MGAM2: variants seen among roughly 807,000 people sequenced by gnomAD.
The protein encoded by MGAM2 is probable maltase-glucoamylase 2.
In MGAM2, 98 loss-of-function variants were observed where a neutral mutation model predicts 96.1. That is an observed-to-expected ratio of 1.02 (90% confidence interval 0.87 to 1.21). The LOEUF is 1.21. Among genes scored for constraint, MGAM2 ranks in the 50% most tolerant of loss-of-function variants. The pLI is 0.00. For missense variants in MGAM2, 2,055 were observed against 1,182.4 expected, an observed-to-expected ratio of 1.74 and a Z score of -10.82; for synonymous variants, 749 against 414.8, an observed-to-expected ratio of 1.81 and a Z score of -9.79.
In MGAM2 at chr7:142,221,456, G is replaced by A. The variant is rs896866495; in HGVS notation, c.6945G>A (p.Leu2315=). Residue 2315 remains leucine, a synonymous_variant, in exon 48 of 48, where the codon TTG becomes TTA. Coordinates refer to ENST00000477922, the MANE Select transcript of MGAM2 (RefSeq NM_001293626.2). Reference sequence around the variant, plus strand: ...TTCCTAGCTCTATTACTTCTATTTTGAGCATGTTTCCAACAAGTAATACAT... The same window carrying A: ...TTCCTAGCTCTATTACTTCTATTTTAAGCATGTTTCCAACAAGTAATACAT... ...TSIPSSITSI[L]SMFPTSNTFT... is the part of the protein sequence containing the mutation. 19 of 573,666 alleles carry A rather than the reference G, an allele frequency of 3.3e-5. No homozygotes were observed. Among genetic ancestry groups the A allele is most frequent in the African/African-American group, 2.6e-4 (14 of 53,388 alleles). 35.5% of individuals were successfully genotyped at this position (573,666 alleles called of 1,614,324 possible). A position where few individuals can be genotyped will look rare whatever the true frequency, so the allele number is the denominator to read the frequency against.
At position 142,137,477 on chromosome 7, in the gene MGAM2, G is replaced by A. The variant is rs922072595; in HGVS notation, c.892G>A (p.Gly298Arg). 1 of 701,956 alleles carries A rather than the reference G, an allele frequency of 1.4e-6. No individual in the cohort carries two copies. Among genetic ancestry groups the A allele is most frequent in the African/African-American group, 1.7e-5 (1 of 57,154 alleles). The allele number at this position is 701,956 out of a possible 1,614,324, so 43.5% of individuals were successfully genotyped here. Residue 298 changes from glycine to arginine, a missense_variant, in exon 9 of 48, where the codon GGA (glycine) becomes AGA (arginine). By Grantham distance (125) the Gly-to-Arg change is moderately radical. Transcript: ENST00000477922. Reference sequence around the variant, plus strand: ...TCCTGCGATCACTTATCGCACGATTGGAGGCATTCTTGACTTTTACGTATT... The same window carrying A: ...TCCTGCGATCACTTATCGCACGATTAGAGGCATTCTTGACTTTTACGTATT... ...PAPAITYRTI[G>R]GILDFYVFLG... is the part of the protein sequence containing the mutation.
intron 17 of MGAM2, among the ~76,000 whole-genome samples, chr7:142,156,166 A>AG (rs35996847): frequency 6.6e-6 from 1 of 151,944 alleles, no homozygotes; most frequent in African/African-American, 2.4e-5. Context: ...AAAAAAAAAA[A>AG]CAAAGTACAA....
Position 142,161,050 on chromosome 7 carries a change from G to T in MGAM2, c.2346-75G>T. The T allele has an allele frequency of 4.4e-6, 3 of 682,680 alleles. No individual in the cohort carries two copies. The South Asian group carries it at 4.6e-5, about 10-fold the overall frequency. The allele number at this position is 682,680 out of a possible 1,614,324, so 42.3% of individuals were successfully genotyped here. A position where few individuals can be genotyped will look rare whatever the true frequency, so the allele number is the denominator to read the frequency against. On this transcript the variant is annotated intron_variant, in intron 21 of 47. Coordinates refer to ENST00000477922, the MANE Select transcript of MGAM2 (RefSeq NM_001293626.2). ...TAGACTCTTGGATTATCTGTCCCTGGGGGATGAAGGTGGCTGGTTTCACAT... is the reference window on the plus strand; with the variant it reads ...TAGACTCTTGGATTATCTGTCCCTGTGGGATGAAGGTGGCTGGTTTCACAT...
In MGAM2 at chr7:142,135,482, T is replaced by C. The variant is rs182657614; in HGVS notation, c.748-1059T>C. On this transcript the variant is annotated intron_variant, in intron 7 of 47. Transcript: ENST00000477922. ...ATGTATTTTAAAAATTTTGTCTGTA[T>C]GCTATCCAAGTGTGATGCCATTAGT... Among the ~76,000 whole-genome samples, 48 of 152,302 alleles carry C rather than the reference T, an allele frequency of 3.2e-4. No homozygotes were observed. The East Asian group carries it at 4.1e-3, about 13-fold the overall frequency.
chr7:142,180,732 T>G (rs1796512090), intron 32 of MGAM2, among the ~76,000 whole-genome samples: 1 of 152,240 alleles, frequency 6.6e-6, no homozygotes, highest in South Asian at 2.1e-4. Flanking sequence ...TTTGTTCATT[T>G]TTAAAAATTA....
At chr7:142,187,675 T>C in intron 35 of MGAM2, 75 bp from the exon 36 acceptor site, 2 of 666,346 alleles carry the variant, frequency 3.0e-6, no homozygotes, top group Non-Finnish European at 5.5e-6. Context: ...GTCATCTCCC[T>C]GAGTTAGTGT....
intron 44 of MGAM2, among the ~76,000 whole-genome samples, 180 bp from the exon 45 acceptor site, chr7:142,199,700 G>A (rs1454980588): frequency 1.3e-5 from 2 of 151,982 alleles, no homozygotes; most frequent in South Asian, 2.1e-4. Flanking sequence ...AATTTTAAAC[G>A]TTTTCCATTA....
rs2129100324 is a variant in MGAM2, at chr7:142,197,469, A to G, written c.4702A>G (p.Thr1568Ala). The G allele has an allele frequency of 1.4e-6, 1 of 702,922 alleles. No individual in the cohort carries two copies. The highest frequency in any genetic ancestry group is 1.7e-5 in the African/African-American group (1 of 57,304). The allele number at this position is 702,922 out of a possible 1,614,324, so 43.5% of individuals were successfully genotyped here. ...LSRKVLETRY[T>A]LLPYLYTLMH... ...CAGAAAAGTCCTAGAGACCAGATAT[A>G]CCCTGCTTCCTTATCTCTATACTCT... The change falls in exon 41 of 48, where the codon ACC becomes GCC. Residue 1568 changes from threonine to alanine, a missense_variant. Physicochemically the swap from Thr to Ala is moderately conservative, Grantham distance 58. Transcript: ENST00000477922.
In MGAM2 at chr7:142,196,692, C is replaced by A. The variant is rs780814126; in HGVS notation, c.4516-8C>A. The A allele has an allele frequency of 9.1e-5, 71 of 781,674 alleles. 1 individual carries two copies. The South Asian group carries it at 9.6e-4, about 11-fold the overall frequency. The allele number at this position is 781,674 out of a possible 1,614,324, so 48.4% of individuals were successfully genotyped here. On this transcript the variant is annotated splice_polypyrimidine_tract_variant and splice_region_variant and intron_variant, in intron 39 of 47. Transcript: ENST00000477922. ...CCCACCTCATGCTCTCATTATGCAT[C>A]TTCTCAGACAGGAGCAGATATCTGT...
chr7:142,161,188 G>A lies in MGAM2; in HGVS notation c.2409G>A (p.Leu803=), dbSNP rs917034978. ...ATAAGAGAGAAGCAAAGGGGGAGCT[G>A]TACTGGGATGACGGTGTATCTAAAG... ...LDYKREAKGE[L]YWDDGVSKDA... is the part of the protein sequence containing the mutation. The change falls in exon 22 of 48, where the codon CTG becomes CTA. Residue 803 remains leucine, a synonymous_variant. Coordinates refer to ENST00000477922, the MANE Select transcript of MGAM2 (RefSeq NM_001293626.2). The A allele has an allele frequency of 1.9e-5, 13 of 702,588 alleles. No individual in the cohort carries two copies. The highest frequency in any genetic ancestry group is 7.0e-5 in the African/African-American group (4 of 57,246). 43.5% of individuals were successfully genotyped at this position (702,588 alleles called of 1,614,324 possible).
chr7:142,198,034 CTAA>C (rs1187062919), intron 42 of MGAM2, 102 bp from the exon 43 acceptor site: 4 of 635,334 alleles, frequency 6.3e-6, no homozygotes, highest in Non-Finnish European at 1.1e-5. Context: ...ATTGCAATCA[CTAA>C]TACAATTTTC....
chr7:142,203,627 G>A (rs980185364), intron 45 of MGAM2, among the ~76,000 whole-genome samples: 2 of 152,050 alleles, frequency 1.3e-5, no homozygotes, highest in Admixed American at 6.6e-5. Context: ...AACCAAAATA[G>A]CATAGTACTG....
Position 142,161,258 on chromosome 7 carries a change from C to A in MGAM2, c.2434+45C>A, listed in dbSNP as rs111519037. On this transcript the variant is annotated intron_variant, in intron 22 of 47. Transcript: ENST00000477922. ...CATCCCTGTGGATCACTGTGGTTCTCCCTGAAAATTAGTCATCATAGGCTG... is the reference window on the plus strand; with the variant it reads ...CATCCCTGTGGATCACTGTGGTTCTACCTGAAAATTAGTCATCATAGGCTG... 7.2e-3 allele frequency: 5,027 copies of A among 698,128 alleles called. 51 individuals carry two copies. Among genetic ancestry groups the A allele is most frequent in the Middle Eastern group, 0.032 (138 of 4,298 alleles). The allele number at this position is 698,128 out of a possible 1,614,324, so 43.2% of individuals were successfully genotyped here.
intron 3 of MGAM2, among the ~76,000 whole-genome samples, chr7:142,128,547 G>T (rs1007375388): frequency 1.3e-5 from 2 of 152,186 alleles, no homozygotes; most frequent in Admixed American, 1.3e-4. Context: ...CCAGGCCCAG[G>T]GTCTCCCCTG....
chr7:142,158,678 A>AGGCTG (rs1333333164), intron 19 of MGAM2, among the ~76,000 whole-genome samples: 1 of 152,108 alleles, frequency 6.6e-6, no homozygotes, highest in African/African-American at 2.4e-5. Context: ...GGATTGGGTT[A>AGGCTG]GGCTGGGCTG....
intron 31 of MGAM2, 87 bp from the exon 32 acceptor site, chr7:142,175,565 C>T: frequency 1.6e-6 from 1 of 644,078 alleles, no homozygotes; most frequent in South Asian, 1.7e-5. Context: ...AGGCAGGCAG[C>T]AGGACCAGGG....
At chr7:142,197,848 G>A (rs1401447597) in intron 42 of MGAM2, 120 bp downstream of exon 42, 2 of 662,800 alleles carry the variant, frequency 3.0e-6, no homozygotes, top group African/African-American at 1.8e-5. Flanking sequence ...TGCCTTTCTA[G>A]AACATCTACA....
intron 37 of MGAM2, among the ~76,000 whole-genome samples, chr7:142,193,580 T>C (rs942593203): frequency 2.6e-5 from 4 of 152,188 alleles, no homozygotes; most frequent in African/African-American, 9.7e-5. Context: ...AGGTTCACAA[T>C]ATTGAGGTTC....
At chr7:142,208,950 A>G (rs955788111) in intron 46 of MGAM2, among the ~76,000 whole-genome samples, 6 of 152,242 alleles carry the variant, frequency 3.9e-5, no homozygotes, top group African/African-American at 1.4e-4. Context: ...TAAGCTACTT[A>G]TTATGCAATA....
Sources: gnomAD v4.1 joint callset for allele counts (sites outside exome capture counted in the v4.1 genomes callset) on GRCh38, gnomAD v4.1.1 for gene constraint, MANE v1.5 for transcripts, NCBI Gene and HGNC (gene_info 2026-07-23, HGNC 2026-07-21) for gene names.